Variants in CD47 observed in about 807,000 individuals in gnomAD.
CD47 encodes the protein leukocyte surface antigen CD47.
CD47 carries 11 observed loss-of-function variants against 44.6 expected under a neutral mutation model. The ratio of observed to expected loss-of-function variants is 0.25; its 90% CI spans 0.16 to 0.41. CD47 has a LOEUF of 0.41. CD47 is among the 10% of genes least tolerant of loss of function. The pLI, the probability that CD47 is intolerant of heterozygous loss-of-function variation, is 1.00. For synonymous variants in CD47, 140 were observed against 136.3 expected (o/e 1.03, Z -0.19); for missense variants, 306 against 386.7 (o/e 0.79, Z 1.75).
At chr3:108,047,865 C>T (rs1207402938) in intron 10 of CD47, among the ~76,000 whole-genome samples, 2 of 152,114 alleles carry the variant, frequency 1.3e-5, no homozygotes. Context: ...GATTTCATCA[C>T]AAATATTCAA....
At chr3:108,063,095 G>C (rs1371337362) in intron 3 of CD47, among the ~76,000 whole-genome samples, 1 of 152,148 alleles carries the variant, frequency 6.6e-6, no homozygotes, top group Non-Finnish European at 1.5e-5. Flanking sequence ...ACCATAGACA[G>C]GGTTCCACCA....
rs2078658830 is a variant in CD47, at chr3:108,043,355, T to C, written c.*3933A>G. 1 of 152,328 alleles carries C rather than the reference T, an allele frequency of 6.6e-6. No homozygotes were observed. The highest frequency in any genetic ancestry group is 1.5e-5 in the Non-Finnish European group (1 of 68,010). 9.4% of individuals were successfully genotyped at this position (152,328 alleles called of 1,614,324 possible). ...TATTACAGGGTAATATTTACAAAGT[T>C]ATGTTTTTTTTTAAATAAAAAAGTA... On this transcript the variant is annotated 3_prime_UTR_variant, in exon 11 of 11. Coordinates refer to ENST00000361309, the MANE Select transcript of CD47 (RefSeq NM_001777.4).
rs372871698 is a variant in CD47, at chr3:108,082,205, G to A, written c.47-1861C>T. On this transcript the variant is annotated intron_variant, in intron 1 of 10. Transcript: ENST00000361309. ...AAGTGCTGGGCAATGTCTAACAGAC[G>A]CTTTGGAATTATCTGACTCTATAGA... is the stretch of plus-strand genomic sequence containing the variant. Among the ~76,000 whole-genome samples, 20 of 152,074 alleles carry A rather than the reference G, an allele frequency of 1.3e-4. No individual in the cohort carries two copies. In the East Asian group the frequency reaches 3.3e-3, roughly 25 times the overall value.
At chr3:108,072,240 G>A (rs1271387409) in intron 2 of CD47, among the ~76,000 whole-genome samples, 2 of 152,136 alleles carry the variant, frequency 1.3e-5, no homozygotes, top group Admixed American at 1.3e-4. Flanking sequence ...TCTGAATACT[G>A]CCCTAAGCAA....
At chr3:108,060,507 A>G (rs1279041007) in intron 4 of CD47, among the ~76,000 whole-genome samples, 1 of 152,236 alleles carries the variant, frequency 6.6e-6, no homozygotes, top group Non-Finnish European at 1.5e-5. Flanking sequence ...AGCAAATTCC[A>G]GAAGCTAGAA....
chr3:108,060,160 T>C (rs1337617423), intron 4 of CD47, among the ~76,000 whole-genome samples: 2 of 152,236 alleles, frequency 1.3e-5, no homozygotes, highest in African/African-American at 4.8e-5. Context: ...CCAATGAAGT[T>C]TGCCTCTGTA....
At chr3:108,052,380 C>A in intron 7 of CD47, 1 of 182,142 alleles carries the variant, frequency 5.5e-6, no homozygotes, top group East Asian at 1.6e-4. Context: ...TCCCTTAGCT[C>A]ACTGCTCCTG....
At chr3:108,068,283 T>C (rs115414784) in intron 3 of CD47, among the ~76,000 whole-genome samples, 1 of 152,304 alleles carries the variant, frequency 6.6e-6, no homozygotes, top group South Asian at 2.1e-4. Flanking sequence ...ATCTCAAAGA[T>C]GTGACAAGGC....
At chr3:108,074,240 T>C (rs1273674645) in intron 2 of CD47, among the ~76,000 whole-genome samples, 4 of 152,188 alleles carry the variant, frequency 2.6e-5, no homozygotes, top group Non-Finnish European at 4.4e-5. Context: ...CCAGATTCTA[T>C]GTGAAACAAG....
chr3:108,055,569 G>T, intron 7 of CD47: 2 of 1,302,036 alleles, frequency 1.5e-6, no homozygotes, highest in South Asian at 2.5e-5. Context: ...TCTGAACCCT[G>T]GCATCAGACA....
At chr3:108,054,047 A>C (rs897610262) in intron 7 of CD47, 2 of 152,224 alleles carry the variant, frequency 1.3e-5, no homozygotes, top group African/African-American at 4.8e-5. Flanking sequence ...GTTCAGAGAT[A>C]AGGTTTTAGA....
At chr3:108,069,474 C>A (rs77918431) in intron 3 of CD47, among the ~76,000 whole-genome samples, 5,798 of 147,562 alleles carry the variant, frequency 0.039, 134 homozygotes, top group African/African-American at 0.067. Flanking sequence ...CCAGAATATA[C>A]CAATAGTTTA....
chr3:108,085,662 A>G (rs921535119), intron 1 of CD47, among the ~76,000 whole-genome samples: 1 of 152,146 alleles, frequency 6.6e-6, no homozygotes. Context: ...TTACTATTTT[A>G]CTTAACTGAT....
At chr3:108,050,835 A>C in intron 8 of CD47, 1 of 483,548 alleles carries the variant, frequency 2.1e-6, no homozygotes. Flanking sequence ...TTATTTTTCT[A>C]AACAGAATTT....
rs2078690081 is a variant in CD47, at chr3:108,044,564, C to A, written c.*2724G>T. ...TTATGTACCTAGCTTCTGATGTATG[C>A]AAAACACTGCAGGAAGAGAGAATGA... On this transcript the variant is annotated 3_prime_UTR_variant, in exon 11 of 11. Coordinates refer to ENST00000361309, the MANE Select transcript of CD47 (RefSeq NM_001777.4). 6.6e-6 allele frequency: 1 copy of A among 151,284 alleles called. No homozygotes were observed. Among genetic ancestry groups the A allele is most frequent in the African/African-American group, 2.4e-5 (1 of 41,084 alleles). The allele number at this position is 151,284 out of a possible 1,614,324, so 9.4% of individuals were successfully genotyped here. A position where few individuals can be genotyped will look rare whatever the true frequency, so the allele number is the denominator to read the frequency against.
At chr3:108,053,449 A>G (rs926723469) in intron 7 of CD47, 3 of 152,372 alleles carry the variant, frequency 2.0e-5, no homozygotes, top group African/African-American at 7.2e-5. Flanking sequence ...ATGAGTCCAA[A>G]GCTGTAGGTA....
Position 108,045,985 on chromosome 3 carries a change from T to C in CD47, c.*1303A>G, listed in dbSNP as rs1309944149. The stretch of plus-strand genomic sequence containing the variant: ...ACCCCACCTTTGTCCATACAGAAGA[T>C]GCATGTGCCTATCTCATACGTATGC... On this transcript the variant is annotated 3_prime_UTR_variant, in exon 11 of 11. Transcript: ENST00000361309. 1 of 152,240 alleles carries C rather than the reference T, an allele frequency of 6.6e-6. No individual in the cohort carries two copies. The highest frequency in any genetic ancestry group is 6.5e-5 in the Admixed American group (1 of 15,280). 9.4% of individuals were successfully genotyped at this position (152,240 alleles called of 1,614,324 possible).
chr3:108,079,922 G>A, intron 2 of CD47, 69 bp downstream of exon 2: 1 of 951,288 alleles, frequency 1.1e-6, no homozygotes, highest in African/African-American at 1.6e-5. Context: ...TCCCCATTTG[G>A]CCTCCTCTCG....
chr3:108,067,507 T>C (rs1467790042), intron 3 of CD47, among the ~76,000 whole-genome samples: 1 of 152,170 alleles, frequency 6.6e-6, no homozygotes, highest in Non-Finnish European at 1.5e-5. Context: ...TAAAATGATA[T>C]CAGAGTGAGA....
Sources: allele counts gnomAD v4.1 joint callset (sites outside exome capture counted in the v4.1 genomes callset), GRCh38; gene constraint gnomAD v4.1.1; transcripts MANE v1.5; gene names NCBI Gene and HGNC (gene_info 2026-07-23, HGNC 2026-07-21).